VIT: variants seen among roughly 807,000 people sequenced by gnomAD.
The protein encoded by VIT is vitrin.
In VIT, 99 loss-of-function variants were observed where a neutral mutation model predicts 78.0. The observed-to-expected ratio is 1.27, with a 90% confidence interval of 1.08 to 1.50. The LOEUF is 1.50. VIT is among the 40% of genes most tolerant of loss of function. VIT has a pLI of 0.00. For synonymous variants in VIT, 374 were observed against 334.3 expected (o/e 1.12, Z -1.29); for missense variants, 1,126 against 875.3 (o/e 1.29, Z -3.61).
intron 15 of VIT, among the ~76,000 whole-genome samples, chr2:36,811,670 CTTT>C (rs1168391003): frequency 7.0e-6 from 1 of 143,306 alleles, no homozygotes; most frequent in Non-Finnish European, 1.5e-5. Flanking sequence ...TTCTTTCTTT[CTTT>C]TTTTTTTTTT....
At chr2:36,727,938 CT>C (rs1241488548) in intron 2 of VIT, among the ~76,000 whole-genome samples, 1 of 151,938 alleles carries the variant, frequency 6.6e-6, no homozygotes, top group Non-Finnish European at 1.5e-5. Context: ...TGTGTGTTTT[CT>C]TTTTTTTGAG....
At chr2:36,786,899 C>A (rs939576015) in intron 11 of VIT, among the ~76,000 whole-genome samples, 3 of 152,220 alleles carry the variant, frequency 2.0e-5, no homozygotes, top group African/African-American at 7.2e-5. Context: ...GTGGCAGATA[C>A]ATAGAGTTTT....
intron 6 of VIT, among the ~76,000 whole-genome samples, chr2:36,762,466 A>G (rs114856826): frequency 0.019 from 2,969 of 152,306 alleles, 69 homozygotes; most frequent in African/African-American, 0.056. Context: ...GAGCTAAACT[A>G]CCAGCATTCC....
intron 1 of VIT, among the ~76,000 whole-genome samples, chr2:36,699,198 A>G (rs990321666): frequency 1.3e-5 from 2 of 152,116 alleles, no homozygotes; most frequent in Non-Finnish European, 2.9e-5. Context: ...GCATTTAGCC[A>G]TGGTGCACTG....
At chr2:36,740,704 G>C (rs950140743) in intron 3 of VIT, among the ~76,000 whole-genome samples, 2 of 151,878 alleles carry the variant, frequency 1.3e-5, no homozygotes, top group Non-Finnish European at 2.9e-5. Flanking sequence ...CCTGACATTT[G>C]TAAGGGGAAA....
intron 2 of VIT, among the ~76,000 whole-genome samples, chr2:36,719,165 T>C (rs752919431): frequency 6.6e-6 from 1 of 152,162 alleles, no homozygotes; most frequent in East Asian, 1.9e-4. Flanking sequence ...GAAATCAAAG[T>C]AGAAAAAGGA....
chr2:36,720,714 G>C (rs1666452310), intron 2 of VIT, among the ~76,000 whole-genome samples: 1 of 152,304 alleles, frequency 6.6e-6, no homozygotes, highest in South Asian at 2.1e-4. Context: ...TGGTCAAAGA[G>C]TACAGACTTT....
chr2:36,799,704 G>C (rs751994813), intron 12 of VIT, among the ~76,000 whole-genome samples: 51 of 130,010 alleles, frequency 3.9e-4, no homozygotes, highest in Non-Finnish European at 7.0e-4. Context: ...GCAACAGAAC[G>C]AAACCCTGTC....
chr2:36,763,854 G>T (rs865853392), intron 6 of VIT, among the ~76,000 whole-genome samples: 1 of 152,072 alleles, frequency 6.6e-6, no homozygotes, highest in Non-Finnish European at 1.5e-5. Context: ...CCCCGCAAGT[G>T]CTAGGATTAC....
chr2:36,776,752 G>A (rs966288755), intron 9 of VIT, among the ~76,000 whole-genome samples: 8 of 151,418 alleles, frequency 5.3e-5, no homozygotes, highest in Non-Finnish European at 7.4e-5. Context: ...CTGAGATGGC[G>A]CCACTGCACT....
intron 5 of VIT, among the ~76,000 whole-genome samples, chr2:36,755,710 T>A (rs1668719397): frequency 6.6e-6 from 1 of 152,158 alleles, no homozygotes; most frequent in Admixed American, 6.5e-5. Flanking sequence ...AAATTATAAT[T>A]TTTTCTAATT....
chr2:36,731,819 C>T (rs1329174119), intron 3 of VIT, among the ~76,000 whole-genome samples: 1 of 152,194 alleles, frequency 6.6e-6, no homozygotes, highest in Non-Finnish European at 1.5e-5. Context: ...ATTCTGTGCT[C>T]TCCACAACTG....
intron 14 of VIT, 108 bp from the exon 15 acceptor site, chr2:36,808,364 A>C: frequency 7.0e-7 from 1 of 1,423,872 alleles, no homozygotes; most frequent in Non-Finnish European, 9.3e-7. Flanking sequence ...CTAGTGCAGA[A>C]AACAAGGGCC....
intron 2 of VIT, among the ~76,000 whole-genome samples, chr2:36,727,242 CTTTT>C (rs944951671): frequency 2.6e-5 from 4 of 152,078 alleles, no homozygotes; most frequent in Non-Finnish European, 4.4e-5. Context: ...TCTTCTGAGG[CTTTT>C]TTTATGTTCC....
Position 36,763,840 on chromosome 2 carries a change from C to T in VIT, c.488-3254C>T, listed in dbSNP as rs530176651. On this transcript the variant is annotated intron_variant, in intron 6 of 15. Transcript: ENST00000379242. ...CTGACCTCAAGTGATCCACCCATCTCGGCCCCCGCAAGTGCTAGGATTACA... is the reference window on the plus strand; with the variant it reads ...CTGACCTCAAGTGATCCACCCATCTTGGCCCCCGCAAGTGCTAGGATTACA... 1.1e-4 allele frequency among the ~76,000 whole-genome samples: 17 copies of T among 152,194 alleles called. No individual in the cohort carries two copies. In the South Asian group the frequency reaches 2.3e-3, roughly 20 times the overall value.
chr2:36,747,856 T>C (rs1166061042), intron 4 of VIT, among the ~76,000 whole-genome samples: 1 of 152,244 alleles, frequency 6.6e-6, no homozygotes, highest in Non-Finnish European at 1.5e-5. Context: ...CTCTGGGCTA[T>C]GAACTTAAGT....
At chr2:36,755,592 G>T (rs1668712447) in intron 5 of VIT, among the ~76,000 whole-genome samples, 1 of 152,144 alleles carries the variant, frequency 6.6e-6, no homozygotes, top group Admixed American at 6.5e-5. Context: ...CATCTGTAGG[G>T]TAATGCTTTA....
intron 2 of VIT, among the ~76,000 whole-genome samples, chr2:36,719,479 A>G (rs900999061): frequency 2.0e-5 from 3 of 152,252 alleles, no homozygotes; most frequent in African/African-American, 4.8e-5. Flanking sequence ...TGAATTCAGT[A>G]AAGTTATAGA....
At chr2:36,805,361 C>G (rs1228744346) in intron 13 of VIT, 77 bp from the exon 14 acceptor site, 2 of 1,387,702 alleles carry the variant, frequency 1.4e-6, no homozygotes, top group Non-Finnish European at 1.9e-6. Flanking sequence ...TTCTGGACCT[C>G]TTTGTGCTGC....
Sources: allele counts gnomAD v4.1 joint callset (sites outside exome capture counted in the v4.1 genomes callset), GRCh38; gene constraint gnomAD v4.1.1; transcripts MANE v1.5; gene names NCBI Gene and HGNC (gene_info 2026-07-23, HGNC 2026-07-21).